The following NKAIN2 variants were observed in gnomAD, a reference collection of about 807,000 sequenced individuals.
NKAIN2 encodes sodium/potassium transporting ATPase interacting 2, also known as sodium/potassium-transporting ATPase subunit beta-1-interacting protein 2.
In NKAIN2, 14 loss-of-function variants were observed where a neutral mutation model predicts 32.6. The ratio of observed to expected loss-of-function variants is 0.43; its 90% CI spans 0.28 to 0.67. The LOEUF (loss-of-function observed/expected upper bound fraction) is 0.67, where lower values mean the gene tolerates loss of function less well. Among genes scored for constraint, NKAIN2 ranks in the 30% least tolerant of loss-of-function variants. The pLI is 0.17. For synonymous variants in NKAIN2, 80 were observed against 87.2 expected (o/e 0.92, Z 0.46); for missense variants, 198 against 258.3 (o/e 0.77, Z 1.60).
intron 1 of NKAIN2, among the ~76,000 whole-genome samples, chr6:123,915,564 C>G (rs1582771917): frequency 6.6e-6 from 1 of 152,132 alleles, no homozygotes; most frequent in South Asian, 2.1e-4. Flanking sequence ...GTTTCAAAGT[C>G]TAGTTCCTAT....
chr6:124,425,882 G>T (rs1008748842), intron 3 of NKAIN2, among the ~76,000 whole-genome samples: 1 of 151,778 alleles, frequency 6.6e-6, no homozygotes, highest in African/African-American at 2.4e-5. Flanking sequence ...TGATTTTTTT[G>T]CCTTCTTACC....
chr6:124,382,654 T>C (rs889503720), intron 3 of NKAIN2, among the ~76,000 whole-genome samples: 4 of 152,252 alleles, frequency 2.6e-5, no homozygotes, highest in South Asian at 2.1e-4. Flanking sequence ...ACATACAAAG[T>C]AAGCAGAAGA....
chr6:124,771,934 T>C (rs1413999299), intron 4 of NKAIN2, among the ~76,000 whole-genome samples: 1 of 152,128 alleles, frequency 6.6e-6, no homozygotes, highest in East Asian at 1.9e-4. Context: ...GAATGGCATT[T>C]ATGAATACTA....
At chr6:123,910,461 A>G (rs1010426094) in intron 1 of NKAIN2, among the ~76,000 whole-genome samples, 8 of 150,576 alleles carry the variant, frequency 5.3e-5, no homozygotes, top group South Asian at 2.1e-4. Context: ...TTGTTTCATA[A>G]ACTAACATTT....
intron 4 of NKAIN2, among the ~76,000 whole-genome samples, chr6:124,711,263 A>T (rs1408274585): frequency 1.4e-5 from 1 of 71,786 alleles, no homozygotes; most frequent in Admixed American, 1.5e-4. Flanking sequence ...TGCGCTTAAC[A>T]TTTTTTCCTT....
At chr6:124,331,011 G>A (rs928953658) in intron 2 of NKAIN2, among the ~76,000 whole-genome samples, 2 of 152,032 alleles carry the variant, frequency 1.3e-5, no homozygotes, top group Admixed American at 6.6e-5. Context: ...TATCTTCCAC[G>A]AAATTGGTCC....
intron 4 of NKAIN2, among the ~76,000 whole-genome samples, chr6:124,666,736 C>G (rs1346679277): frequency 6.6e-6 from 1 of 151,874 alleles, no homozygotes; most frequent in Non-Finnish European, 1.5e-5. Context: ...AGTCAGATTA[C>G]GTTTAAGATT....
chr6:123,919,092 A>G (rs1283375631), intron 1 of NKAIN2, among the ~76,000 whole-genome samples: 1 of 152,120 alleles, frequency 6.6e-6, no homozygotes, highest in East Asian at 1.9e-4. Context: ...AACCAACAAA[A>G]GAATTATGTG....
At chr6:124,516,332 A>G (rs1323611211) in intron 3 of NKAIN2, among the ~76,000 whole-genome samples, 2 of 152,208 alleles carry the variant, frequency 1.3e-5, no homozygotes, top group Non-Finnish European at 2.9e-5. Flanking sequence ...GAACATATCA[A>G]TTAGTATGTT....
At chr6:124,123,293 G>A (rs1785983658) in intron 1 of NKAIN2, among the ~76,000 whole-genome samples, 1 of 152,112 alleles carries the variant, frequency 6.6e-6, no homozygotes. Context: ...AAGGAGGATG[G>A]AAATCTAGAG....
At chr6:123,976,294 TTTCCATATATATG>T (rs1251722882) in intron 1 of NKAIN2, among the ~76,000 whole-genome samples, 1,262 of 105,454 alleles carry the variant, frequency 0.012, 228 homozygotes, top group East Asian at 0.021. Flanking sequence ...CATATATATG[TTTCCATATATATG>T]TTTCCATATA....
intron 3 of NKAIN2, among the ~76,000 whole-genome samples, chr6:124,543,404 T>G (rs1779978626): frequency 6.6e-6 from 1 of 152,314 alleles, no homozygotes; most frequent in African/African-American, 2.4e-5. Context: ...TAATGAGCTC[T>G]TCATTGTAAT....
intron 3 of NKAIN2, among the ~76,000 whole-genome samples, chr6:124,625,118 C>CCGT (rs1055667298): frequency 2.1e-5 from 3 of 141,466 alleles, no homozygotes; most frequent in South Asian, 2.2e-4. Context: ...GTGTTTGCCC[C>CCGT]CTGTCTTCCT....
chr6:123,910,309 T>A (rs1775105464), intron 1 of NKAIN2, among the ~76,000 whole-genome samples: 1 of 152,130 alleles, frequency 6.6e-6, no homozygotes, highest in Admixed American at 6.6e-5. Flanking sequence ...TTGTTAGCCA[T>A]TGACTTGATT....
intron 1 of NKAIN2, among the ~76,000 whole-genome samples, chr6:123,959,680 A>C (rs1777752766): frequency 1.3e-5 from 2 of 152,076 alleles, no homozygotes; most frequent in Admixed American, 1.3e-4. Context: ...CTATGAAAAT[A>C]CTTCCTAACT....
chr6:124,112,150 C>A (rs910220166), intron 1 of NKAIN2, among the ~76,000 whole-genome samples: 1 of 152,098 alleles, frequency 6.6e-6, no homozygotes, highest in African/African-American at 2.4e-5. Flanking sequence ...CTTTTCTCAA[C>A]CAGTTTTATA....
intron 3 of NKAIN2, among the ~76,000 whole-genome samples, chr6:124,588,274 A>T (rs139742097): frequency 1.1e-3 from 170 of 152,214 alleles, no homozygotes; most frequent in Middle Eastern, 3.4e-3. Context: ...AATTTTTTGT[A>T]ATTTAGTTTA....
At chr6:123,903,988 G>C (rs1774732827) in intron 1 of NKAIN2, among the ~76,000 whole-genome samples, 1 of 151,922 alleles carries the variant, frequency 6.6e-6, no homozygotes, top group African/African-American at 2.4e-5. Flanking sequence ...AGCACTTTGG[G>C]AGGCCAAGGT....
At chr6:123,859,597 C>G (rs9490972) in intron 1 of NKAIN2, among the ~76,000 whole-genome samples, 1 of 152,106 alleles carries the variant, frequency 6.6e-6, no homozygotes, top group African/African-American at 2.4e-5. Context: ...TGTGGTCCAT[C>G]CATTGGTCCT....
Sources: gnomAD v4.1 joint callset for allele counts (sites outside exome capture counted in the v4.1 genomes callset) on GRCh38, gnomAD v4.1.1 for gene constraint, MANE v1.5 for transcripts, NCBI Gene and HGNC (gene_info 2026-07-23, HGNC 2026-07-21) for gene names.